Variants in DMD observed in about 807,000 individuals in gnomAD.
The protein encoded by DMD is mutant dystrophin.
Under a neutral mutation model 330.1 loss-of-function variants are expected in DMD, and 63 were observed. The ratio of observed to expected loss-of-function variants is 0.19; its 90% CI spans 0.16 to 0.24. DMD has a LOEUF of 0.24. DMD is among the 10% of genes least tolerant of loss of function. The pLI is 1.00. For missense variants in DMD, 3,344 were observed against 2,684.1 expected, an observed-to-expected ratio of 1.25 and a Z score of -5.43; for synonymous variants, 1,223 against 959.8, an observed-to-expected ratio of 1.27 and a Z score of -5.07.
chrX:32,001,481 C>A (rs2095626468), intron 44 of DMD, among the ~76,000 whole-genome samples: 1 of 109,928 alleles, frequency 9.1e-6, no homozygotes, highest in African/African-American at 3.3e-5. Context: ...CTTGGGTTAA[C>A]ATACTGCTCA....
chrX:33,314,961 G>A (rs1402312097), intron 1 of DMD, among the ~76,000 whole-genome samples: 1 of 110,876 alleles, frequency 9.0e-6, no homozygotes, highest in Non-Finnish European at 1.9e-5. Flanking sequence ...TGGGATTACA[G>A]GCATGCACCA....
chrX:32,049,883 C>A (rs752317693), intron 44 of DMD, among the ~76,000 whole-genome samples: 41 of 111,254 alleles, frequency 3.7e-4, no homozygotes, highest in African/African-American at 1.2e-3. Flanking sequence ...GTGTTCCTTA[C>A]ACTGTATTCC....
chrX:32,504,824 C>T (rs1260060094), intron 18 of DMD, among the ~76,000 whole-genome samples: 1 of 110,605 alleles, frequency 9.0e-6, no homozygotes, highest in African/African-American at 3.3e-5. Flanking sequence ...CAGCACCAAA[C>T]CTCAGTGTCA....
intron 2 of DMD, among the ~76,000 whole-genome samples, chrX:32,894,261 C>A (rs2085488914): frequency 8.9e-6 from 1 of 111,935 alleles, no homozygotes; most frequent in Admixed American, 9.5e-5. Context: ...ATAGCGAAGG[C>A]ATCAGGTTCA....
chrX:31,599,366 T>G lies in DMD; in HGVS notation c.8217+28307A>C, dbSNP rs1055355324. On this transcript the variant is annotated intron_variant, in intron 55 of 78. Coordinates refer to ENST00000357033, the MANE Select transcript of DMD (RefSeq NM_004006.3). ...TTATTTAATTGGAACTCCAAAGAAT[T>G]AGAAGTTCATTCTATTTCCTTGGCA... Among the ~76,000 whole-genome samples the G allele has an allele frequency of 8.9e-5, 10 of 112,106 alleles. No individual in the cohort carries two copies. In the South Asian group the frequency reaches 3.7e-3, roughly 41 times the overall value.
rs138265407 is a variant in DMD at position 32,458,769 on chromosome X, C to T, written c.3433-3937G>A. ...ATTAGTGATGCACCTTTTCATATAC[C>T]TGTTGGTCATTTCTACGTATTCTTT... On this transcript the variant is annotated intron_variant, in intron 25 of 78. Coordinates refer to ENST00000357033, the MANE Select transcript of DMD (RefSeq NM_004006.3). 6.4e-3 allele frequency among the ~76,000 whole-genome samples: 717 copies of T among 111,549 alleles called. 7 individuals are homozygous for T. The highest frequency in any genetic ancestry group is 0.051 in the South Asian group (139 of 2,709).
At chrX:32,657,482 G>T (rs2060657643) in intron 9 of DMD, among the ~76,000 whole-genome samples, 3 of 111,475 alleles carry the variant, frequency 2.7e-5, no homozygotes, top group African/African-American at 9.8e-5. Flanking sequence ...ACCCTAAAAG[G>T]GGGGACCTAT....
intron 30 of DMD, among the ~76,000 whole-genome samples, chrX:32,408,131 G>T (rs1454688504): frequency 9.0e-6 from 1 of 111,157 alleles, no homozygotes; most frequent in African/African-American, 3.3e-5. Flanking sequence ...TAAAAAAAAA[G>T]ACTGTGAATT....
rs186985036 is a variant in DMD at position 32,449,187 on chromosome X, G to T, written c.3604-549C>A. 2.3e-3 allele frequency among the ~76,000 whole-genome samples: 255 copies of T among 110,848 alleles called. 2 individuals carry two copies. The highest frequency in any genetic ancestry group is 8.1e-3 in the African/African-American group (247 of 30,675). On this transcript the variant is annotated intron_variant, in intron 26 of 78. Coordinates refer to ENST00000357033, the MANE Select transcript of DMD (RefSeq NM_004006.3). ...GAGAGAAAGAGAAACCAAAAAAGGA[G>T]CTGCTGATATCAGAAGCTGGCCTGA...
intron 43 of DMD, among the ~76,000 whole-genome samples, chrX:32,243,279 A>G (rs2097216332): frequency 9.0e-6 from 1 of 111,564 alleles, no homozygotes; most frequent in African/African-American, 3.3e-5. Context: ...GCTTGGGTAC[A>G]TACCAATTAA....
At chrX:32,484,481 G>A (rs1279858326) in intron 21 of DMD, among the ~76,000 whole-genome samples, 2 of 112,208 alleles carry the variant, frequency 1.8e-5, no homozygotes, top group Admixed American at 1.9e-4. Flanking sequence ...GTCCTTTGCT[G>A]AGTTTCAGTT....
intron 62 of DMD, among the ~76,000 whole-genome samples, chrX:31,318,867 T>C (rs186783307): frequency 4.4e-4 from 49 of 112,108 alleles, no homozygotes; most frequent in Admixed American, 5.7e-4. Context: ...TTCTTCCCAA[T>C]ATTTAGCAAC....
chrX:31,797,161 A>G (rs760342264), intron 50 of DMD, among the ~76,000 whole-genome samples: 1 of 112,262 alleles, frequency 8.9e-6, no homozygotes, highest in African/African-American at 3.2e-5. Flanking sequence ...GACAATAAGT[A>G]CAGGATAGGT....
intron 37 of DMD, among the ~76,000 whole-genome samples, chrX:32,362,084 T>A (rs1370191543): frequency 8.9e-6 from 1 of 111,830 alleles, no homozygotes; most frequent in African/African-American, 3.2e-5. Flanking sequence ...ATAAAGTCTA[T>A]CACGCAAAAG....
At position 32,411,004 on chromosome X, in the gene DMD, C is replaced by A. The variant is rs760559827; in HGVS notation, c.4233+748G>T. On this transcript the variant is annotated intron_variant, in intron 30 of 78. Transcript: ENST00000357033. ...TAATAATTGAGGTGTAAATTTATATCGATAATTTTGTGTTACTCACTGCTT... is the reference window on the plus strand; with the variant it reads ...TAATAATTGAGGTGTAAATTTATATAGATAATTTTGTGTTACTCACTGCTT... Among the ~76,000 whole-genome samples, 7 of 111,699 alleles carry A rather than the reference C, an allele frequency of 6.3e-5. No individual in the cohort carries two copies. In the South Asian group the frequency reaches 2.6e-3, roughly 42 times the overall value.
chrX:31,465,434 T>A (rs945810864), intron 59 of DMD, among the ~76,000 whole-genome samples: 3 of 110,836 alleles, frequency 2.7e-5, no homozygotes, highest in Admixed American at 1.9e-4. Flanking sequence ...CAACTCCCAC[T>A]TACGAGTGAG....
chrX:31,583,435 T>C (rs1385292885), intron 55 of DMD, among the ~76,000 whole-genome samples: 1 of 110,639 alleles, frequency 9.0e-6, no homozygotes, highest in Non-Finnish European at 1.9e-5. Context: ...AAGAGGGTGT[T>C]AGAGAACTAA....
chrX:31,397,062 A>G (rs747114711), intron 60 of DMD, among the ~76,000 whole-genome samples: 1 of 111,844 alleles, frequency 8.9e-6, no homozygotes, highest in African/African-American at 3.2e-5. Flanking sequence ...CAGTTAACTC[A>G]TTTGTATAAT....
intron 12 of DMD, among the ~76,000 whole-genome samples, chrX:32,604,029 A>C (rs1243589330): frequency 9.0e-6 from 1 of 111,028 alleles, no homozygotes; most frequent in Non-Finnish European, 1.9e-5. Context: ...TACCAAAGGC[A>C]GGTAAGGACA....
Sources: allele counts gnomAD v4.1 joint callset (sites outside exome capture counted in the v4.1 genomes callset), GRCh38; gene constraint gnomAD v4.1.1; transcripts MANE v1.5; gene names NCBI Gene and HGNC (gene_info 2026-07-23, HGNC 2026-07-21).